Variants in DENND2C observed in about 807,000 individuals in gnomAD.
DENND2C encodes the protein DENN domain containing 2C.
DENND2C carries 72 observed loss-of-function variants against 112.4 expected under a neutral mutation model. The observed-to-expected ratio is 0.64, with a 90% CI of 0.53 to 0.78. The LOEUF is 0.78. DENND2C is among the 30% of genes least tolerant of loss of function. DENND2C has a pLI of 0.00. For synonymous variants in DENND2C, 329 were observed against 381.6 expected (o/e 0.86, Z 1.61); for missense variants, 992 against 1,113.8 (o/e 0.89, Z 1.56).
intron 1 of DENND2C, among the ~76,000 whole-genome samples, chr1:114,664,306 G>A (rs183657059): frequency 2.6e-5 from 4 of 151,920 alleles, no homozygotes; most frequent in Admixed American, 6.6e-5. Context: ...ATATGCTTTC[G>A]AAGCTTTGAT....
chr1:114,630,942 G>A (rs1656472461), intron 3 of DENND2C, among the ~76,000 whole-genome samples: 1 of 152,196 alleles, frequency 6.6e-6, no homozygotes, highest in South Asian at 2.1e-4. Context: ...CCAGCAGGAT[G>A]AAATTAACCC....
At chr1:114,606,225 TA>T (rs200092372) in intron 10 of DENND2C, among the ~76,000 whole-genome samples, 2 of 150,990 alleles carry the variant, frequency 1.3e-5, no homozygotes, top group African/African-American at 2.4e-5. Context: ...TTTAATTTCT[TA>T]AAAAAAAACA....
At chr1:114,611,192 C>G in intron 8 of DENND2C, 75 bp from the exon 9 acceptor site, 1 of 1,543,702 alleles carries the variant, frequency 6.5e-7, no homozygotes, top group African/African-American at 1.4e-5. Context: ...CAATGTAAAC[C>G]CACAAACCTG....
intron 2 of DENND2C, among the ~76,000 whole-genome samples, chr1:114,647,141 A>G (rs368429587): frequency 4.0e-4 from 59 of 147,182 alleles, no homozygotes; most frequent in South Asian, 3.6e-3. Flanking sequence ...CAGCCTGGGC[A>G]AAAGAGTGAG....
At chr1:114,668,415 T>C (rs1326415959) in intron 1 of DENND2C, among the ~76,000 whole-genome samples, 1 of 152,132 alleles carries the variant, frequency 6.6e-6, no homozygotes, top group Non-Finnish European at 1.5e-5. Flanking sequence ...CTACAGACCA[T>C]TTAAAAGTAA....
At position 114,612,463 on chromosome 1, in the gene DENND2C, CT is replaced by C. The variant is rs372430184; in HGVS notation, c.1325-1347del. Among the ~76,000 whole-genome samples the C allele has an allele frequency of 1.2e-3, 187 of 151,540 alleles. 1 individual carries two copies. Among genetic ancestry groups the C allele is most frequent in the African/African-American group, 4.2e-3 (172 of 41,280 alleles). ...GCCTCCCGGACTCAACTGATCCCCC[CT>C]ACCTCAGCTTCCAGAGTAGGCTGGG... On this transcript the variant is annotated intron_variant, in intron 8 of 20. Transcript: ENST00000393274.
rs72698027 is a variant in DENND2C, at chr1:114,589,600, T to C, written c.2432-1648A>G. On this transcript the variant is annotated intron_variant, in intron 18 of 20. Coordinates refer to ENST00000393274, the MANE Select transcript of DENND2C (RefSeq NM_001256404.2). ...GTTGCTCAGGCTGGTATTGAACTTA[T>C]CCTGCCTTGACCTCCCAAAGTGCTT... Among the ~76,000 whole-genome samples the C allele has an allele frequency of 2.0e-3, 306 of 152,054 alleles. 2 individuals carry two copies. Among genetic ancestry groups the C allele is most frequent in the Non-Finnish European group, 3.7e-3 (253 of 67,966 alleles).
At chr1:114,638,345 C>T (rs932824926) in intron 3 of DENND2C, among the ~76,000 whole-genome samples, 12 of 152,112 alleles carry the variant, frequency 7.9e-5, no homozygotes, top group Admixed American at 3.3e-4. Context: ...AAAATCTTCA[C>T]GACCTTGAGG....
At chr1:114,645,243 A>C (rs1656947641) in intron 3 of DENND2C, among the ~76,000 whole-genome samples, 1 of 152,186 alleles carries the variant, frequency 6.6e-6, no homozygotes, top group Admixed American at 6.5e-5. Context: ...AGCACCTCAG[A>C]ATATGACTGG....
chr1:114,649,402 A>AGC (rs1490247344), intron 2 of DENND2C, among the ~76,000 whole-genome samples: 1 of 152,022 alleles, frequency 6.6e-6, no homozygotes, highest in Non-Finnish European at 1.5e-5. Flanking sequence ...TTTGTTTTTG[A>AGC]GATCGGTCTC....
At chr1:114,637,988 C>T (rs1656703590) in intron 3 of DENND2C, among the ~76,000 whole-genome samples, 2 of 152,064 alleles carry the variant, frequency 1.3e-5, no homozygotes, top group African/African-American at 4.8e-5. Flanking sequence ...CTAGATTAGC[C>T]TAAATAATTT....
Position 114,602,086 on chromosome 1 carries a change from C to T in DENND2C, c.1737+39G>A, listed in dbSNP as rs1002197982. The T allele has an allele frequency of 3.1e-6, 5 of 1,608,372 alleles. No individual in the cohort carries two copies. The African/African-American group carries it at 6.7e-5, about 22-fold the overall frequency. ...AGTTCCTACTCTGACTCAATTATTC[C>T]TTGACCAACCCTGTCTGTAACACAA... On this transcript the variant is annotated intron_variant, in intron 12 of 20. Transcript: ENST00000393274.
intron 18 of DENND2C, among the ~76,000 whole-genome samples, chr1:114,592,592 C>T (rs897408709): frequency 3.9e-5 from 6 of 152,126 alleles, no homozygotes; most frequent in Admixed American, 1.3e-4. Flanking sequence ...TGAGGGTGCA[C>T]GCCTGTAGGC....
At chr1:114,642,481 T>G (rs1165427912) in intron 3 of DENND2C, among the ~76,000 whole-genome samples, 3 of 152,250 alleles carry the variant, frequency 2.0e-5, no homozygotes, top group African/African-American at 4.8e-5. Context: ...GATTTGGTTC[T>G]TGGTTGTAAA....
rs148237625 is a variant in DENND2C at position 114,625,682 on chromosome 1, T to C, written c.303A>G (p.Glu101=). The part of the protein sequence containing the change: ...DQSENENKKH[E]YDDTHFFKNE... ...TTTTAAAGAAGTGTGTATCGTCATA[T>C]TCATGTTTCTTATTTTCATTCTCAC... Residue 101 remains glutamate (E), a synonymous_variant, in exon 4 of 21, where the codon GAA becomes GAG. Coordinates refer to ENST00000393274, the MANE Select transcript of DENND2C (RefSeq NM_001256404.2). 6.2e-7 allele frequency: 1 copy of C among 1,614,004 alleles called. No homozygotes were observed. The highest frequency in any genetic ancestry group is 1.3e-5 in the African/African-American group (1 of 74,940).
At chr1:114,600,154 G>T in intron 15 of DENND2C, 50 bp downstream of exon 15, 1 of 1,561,760 alleles carries the variant, frequency 6.4e-7, no homozygotes, top group South Asian at 1.2e-5. Context: ...TTTAAAATTT[G>T]GAACAAATAA....
chr1:114,609,532 T>C (rs1655755014), intron 9 of DENND2C, among the ~76,000 whole-genome samples: 1 of 152,224 alleles, frequency 6.6e-6, no homozygotes, highest in Non-Finnish European at 1.5e-5. Flanking sequence ...GGAAGCATAC[T>C]ATTTAAACAG....
intron 3 of DENND2C, among the ~76,000 whole-genome samples, chr1:114,634,335 CT>C (rs530612170): frequency 2.6e-5 from 4 of 152,020 alleles, no homozygotes; most frequent in Non-Finnish European, 4.4e-5. Context: ...TCTTTTCTTT[CT>C]TTTTTTTATT....
rs1278828018 is a variant in DENND2C at position 114,603,038 on chromosome 1, C to A, written c.1668-844G>T. Among the ~76,000 whole-genome samples, 3 of 152,038 alleles carry A rather than the reference C, an allele frequency of 2.0e-5. No individual in the cohort carries two copies. In the East Asian group the frequency reaches 5.8e-4, roughly 29 times the overall value. Reference sequence around the variant, plus strand: ...ATGTAAAAATTATTAAGAAAAATATCAACTCATTAGAAACATGGGCAAAAG... The same window carrying A: ...ATGTAAAAATTATTAAGAAAAATATAAACTCATTAGAAACATGGGCAAAAG... On this transcript the variant is annotated intron_variant, in intron 11 of 20. Transcript: ENST00000393274.
Sources: gnomAD v4.1 joint callset for allele counts (sites outside exome capture counted in the v4.1 genomes callset) on GRCh38, gnomAD v4.1.1 for gene constraint, MANE v1.5 for transcripts, NCBI Gene and HGNC (gene_info 2026-07-23, HGNC 2026-07-21) for gene names.